Variants in GABRD observed in about 807,000 individuals in gnomAD.
The protein encoded by GABRD is gamma-aminobutyric acid receptor subunit delta.
GABRD carries 25 observed loss-of-function variants against 47.3 expected under a neutral mutation model. The observed-to-expected ratio is 0.53, with a 90% CI of 0.39 to 0.74. The LOEUF (loss-of-function observed/expected upper bound fraction) is 0.74, where lower values mean the gene tolerates loss of function less well. Among genes scored for constraint, GABRD ranks in the 30% least tolerant of loss-of-function variants. The probability of loss-of-function intolerance (pLI) is 0.00; values close to 1 mark genes in which losing one functional copy is unlikely to be tolerated. For synonymous variants in GABRD, 314 were observed against 278.8 expected (o/e 1.13, Z -1.26); for missense variants, 497 against 643.4 (o/e 0.77, Z 2.46).
In GABRD at chr1:2,030,262, TG is replaced by T; in HGVS notation, c.1342del (p.Ala448ArgfsTer61). ...AAFAAVNVIYWAAYAM is the reference protein window; with the variant it reads ...AAFAAVNVIYXAAYAM Reference sequence around the variant, plus strand: ...GTTTGCGGCCGTCAATGTCATCTACTGGGCGGCATACGCCATGTGAGCACAG... The same window carrying T: ...GTTTGCGGCCGTCAATGTCATCTACTGGCGGCATACGCCATGTGAGCACAG... On this transcript the variant is annotated frameshift_variant, in exon 9 of 9. Transcript: ENST00000378585. LOFTEE classifies it high-confidence loss of function. 1 of 1,553,390 alleles carries T rather than the reference TG, an allele frequency of 6.4e-7. No homozygotes were observed. The highest frequency in any genetic ancestry group is 8.7e-7 in the Non-Finnish European group (1 of 1,146,000).
At position 2,029,998 on chromosome 1, in the gene GABRD, G is replaced by A. The variant is rs1178920033; in HGVS notation, c.1075G>A (p.Ala359Thr). Reference protein sequence around the residue: ...RPRAEMDVRNAIVLFSLSAAG... With the variant: ...RPRAEMDVRNTIVLFSLSAAG... ...CTTCGTGCAGATGGACGTGAGGAACGCCATTGTCCTCTTCTCCCTCTCTGC... is the reference window on the plus strand; with the variant it reads ...CTTCGTGCAGATGGACGTGAGGAACACCATTGTCCTCTTCTCCCTCTCTGC... Residue 359 changes from alanine (A) to threonine (T), a missense_variant, in exon 9 of 9, where the codon GCC becomes ACC. Physicochemically the swap from Ala to Thr is moderately conservative, Grantham distance 58 (BLOSUM62 0). Coordinates refer to ENST00000378585, the MANE Select transcript of GABRD (RefSeq NM_000815.5). The A allele has an allele frequency of 1.9e-6, 3 of 1,612,698 alleles. No homozygotes were observed. Among genetic ancestry groups the A allele is most frequent in the Non-Finnish European group, 2.5e-6 (3 of 1,179,870 alleles).
At chr1:2,021,322 G>C (rs1658771599) in intron 1 of GABRD, among the ~76,000 whole-genome samples, 1 of 152,194 alleles carries the variant, frequency 6.6e-6, no homozygotes, top group South Asian at 2.1e-4. Flanking sequence ...GGTCTCCCCA[G>C]GGTGGAAGCA....
At chr1:2,021,922 G>A (rs75134466) in intron 1 of GABRD, among the ~76,000 whole-genome samples, 572 of 152,314 alleles carry the variant, frequency 3.8e-3, no homozygotes, top group Middle Eastern at 0.014. Context: ...ACAGGGATGG[G>A]TTTGTTTTTC....
chr1:2,023,894 T>G (rs1658850507), intron 1 of GABRD: 1 of 152,036 alleles, frequency 6.6e-6, no homozygotes, highest in Non-Finnish European at 1.5e-5. Flanking sequence ...AATCAAGGTG[T>G]GGGTGGGGCT....
Position 2,029,824 on chromosome 1 carries a change from C to G in GABRD, c.1059+62C>G, listed in dbSNP as rs1434541718. On this transcript the variant is annotated intron_variant, in intron 8 of 8. Transcript: ENST00000378585. ...GGGGGCCCCAACCAGGACCCTTCAG[C>G]TGCCCCAGCCCACTGTGGGTCCCAG... 2.6e-6 allele frequency: 4 copies of G among 1,523,098 alleles called. No individual in the cohort carries two copies. In the East Asian group the frequency reaches 6.8e-5, roughly 26 times the overall value. The allele number at this position is 1,523,098 out of a possible 1,614,324, so 94.3% of individuals were successfully genotyped here.
chr1:2,027,407 CTA>C, intron 4 of GABRD, 168 bp from the exon 5 acceptor site: 1 of 679,358 alleles, frequency 1.5e-6, no homozygotes, highest in Non-Finnish European at 2.7e-6. Context: ...TACTTGACGT[CTA>C]TGAAGTTGAG....
chr1:2,021,568 G>A (rs1330114057), intron 1 of GABRD, among the ~76,000 whole-genome samples: 1 of 152,238 alleles, frequency 6.6e-6, no homozygotes, highest in Non-Finnish European at 1.5e-5. Context: ...GATAGGAAGG[G>A]AGTGTGCTGC....
rs2102150284 is a variant in GABRD, at chr1:2,027,597, G to A, written c.491G>A (p.Cys164Tyr). 1 of 1,613,756 alleles carries A rather than the reference G, an allele frequency of 6.2e-7. No homozygotes were observed. The highest frequency in any genetic ancestry group is 8.5e-7 in the Non-Finnish European group (1 of 1,179,918). The part of the protein sequence containing the change: ...YSIRITSTVA[C>Y]DMDLAKYPMD... ...GGCAGAATCACCTCCACTGTGGCCT[G>A]CGACATGGACCTGGCCAAATACCCC... The change falls in exon 5 of 9, where the codon TGC becomes TAC. Residue 164 changes from cysteine to tyrosine, a missense_variant. By Grantham distance (194) the Cys-to-Tyr change is radical. This residue lies in a region of GABRD where 285 missense variants were observed against 436.6 expected (regional missense o/e 0.65). Coordinates refer to ENST00000378585, the MANE Select transcript of GABRD (RefSeq NM_000815.5).
intron 1 of GABRD, chr1:2,022,327 CA>C (rs1195437172): frequency 6.6e-6 from 1 of 152,400 alleles, no homozygotes; most frequent in African/African-American, 2.4e-5. Context: ...GCATGAAGCG[CA>C]CGCCCCCGCA....
intron 5 of GABRD, 44 bp downstream of exon 5, chr1:2,027,703 A>G (rs1168201564): frequency 1.9e-6 from 3 of 1,540,194 alleles, no homozygotes; most frequent in Non-Finnish European, 2.7e-6. Context: ...CCAGCAGTGG[A>G]TGGGGGCTCA....
chr1:2,028,054 GC>G lies in GABRD; in HGVS notation c.554-100del. ...GTCCTGCTCGGTCCCCATCACGATG[GC>G]GTCGGCCCCCTGCAGGCTTCCTGTG... On this transcript the variant is annotated intron_variant, in intron 5 of 8. Coordinates refer to ENST00000378585, the MANE Select transcript of GABRD (RefSeq NM_000815.5). This position sits in a 1 kb window ranked among gnomAD's most constrained non-coding sequence, Gnocchi z 6.4. The G allele has an allele frequency of 7.5e-7, 1 of 1,341,650 alleles. No individual in the cohort carries two copies. Among genetic ancestry groups the G allele is most frequent in the African/African-American group, 1.5e-5 (1 of 68,914 alleles). 83.1% of individuals were successfully genotyped at this position (1,341,650 alleles called of 1,614,324 possible). A position where few individuals can be genotyped will look rare whatever the true frequency, so the allele number is the denominator to read the frequency against.
In GABRD at chr1:2,020,123, A is replaced by G. The variant is rs548352389; in HGVS notation, c.68+632A>G. Among the ~76,000 whole-genome samples the G allele has an allele frequency of 4.6e-5, 7 of 152,146 alleles. No homozygotes were observed. The East Asian group carries it at 1.4e-3, about 30-fold the overall frequency. On this transcript the variant is annotated intron_variant, in intron 1 of 8. Transcript: ENST00000378585. Reference sequence around the variant, plus strand: ...AAAAGAGATGGTGGATTTCTTAACTATTTTGGGAGGGACTCCCCAGAGAAG... The same window carrying G: ...AAAAGAGATGGTGGATTTCTTAACTGTTTTGGGAGGGACTCCCCAGAGAAG...
chr1:2,028,269 C>T lies in GABRD; in HGVS notation c.668C>T (p.Thr223Met), dbSNP rs369511458. The change falls in exon 6 of 9, where the codon ACG (threonine) becomes ATG (methionine). Residue 223 changes from threonine to methionine, a missense_variant. This residue lies in a region of GABRD where 285 missense variants were observed against 436.6 expected (regional missense o/e 0.65). Transcript: ENST00000378585. This position sits in a 1 kb window ranked among gnomAD's most constrained non-coding sequence, Gnocchi z 6.4. Reference sequence around the variant, plus strand: ...ACCATCACCAGCTACCGCTTCACCACGGAGCTGATGAACTTCAAGTCCGGT... The same window carrying T: ...ACCATCACCAGCTACCGCTTCACCATGGAGCTGATGAACTTCAAGTCCGGT... ...QFTITSYRFTTELMNFKSAGQ... is the reference protein window; with the variant it reads ...QFTITSYRFTMELMNFKSAGQ... 43 of 1,611,838 alleles carry T rather than the reference C, an allele frequency of 2.7e-5. 1 individual carries two copies. Among genetic ancestry groups the T allele is most frequent in the Admixed American group, 1.5e-4 (9 of 59,966 alleles).
At chr1:2,027,556 C>A (rs752352993) in intron 4 of GABRD, 21 bp from the exon 5 acceptor site, 2 of 1,608,532 alleles carry the variant, frequency 1.2e-6, no homozygotes, top group South Asian at 1.1e-5. Flanking sequence ...CAAGGCCTCA[C>A]TGCCATGCTT....
intron 2 of GABRD, 34 bp downstream of exon 2, chr1:2,025,088 C>A (rs765586784): frequency 1.3e-6 from 2 of 1,556,360 alleles, no homozygotes; most frequent in Non-Finnish European, 1.8e-6. Flanking sequence ...AGGCAGGAGC[C>A]GCTGGAGCCC....
At chr1:2,022,062 C>T (rs535375093) in intron 1 of GABRD, among the ~76,000 whole-genome samples, 1 of 152,168 alleles carries the variant, frequency 6.6e-6, no homozygotes, top group Admixed American at 6.5e-5. Context: ...GACTTGGAGC[C>T]TGGTGTGTAG....
chr1:2,025,793 G>C (rs866724003), intron 4 of GABRD, 55 bp downstream of exon 4: 7 of 1,522,350 alleles, frequency 4.6e-6, no homozygotes, highest in Non-Finnish European at 6.3e-6. Context: ...GCCAAGCGTC[G>C]GCGCCTGGAC....
chr1:2,025,692 A>G lies in GABRD; in HGVS notation c.424A>G (p.Lys142Glu). The G allele has an allele frequency of 6.2e-7, 1 of 1,612,948 alleles. No homozygotes were observed. The highest frequency in any genetic ancestry group is 8.5e-7 in the Non-Finnish European group (1 of 1,179,992). The change falls in exon 4 of 9, where the codon AAG becomes GAG. Residue 142 changes from lysine to glutamate, a missense_variant. Lys to Glu is a moderately conservative substitution (Grantham distance 56). Coordinates refer to ENST00000378585, the MANE Select transcript of GABRD (RefSeq NM_000815.5). ...AWFHDVTVENKLIRLQPDGVI... is the reference protein window; with the variant it reads ...AWFHDVTVENELIRLQPDGVI... ...GTTCCACGACGTGACGGTGGAGAACAAGCTCATCCGGCTGCAGCCCGACGG... is the reference window on the plus strand; with the variant it reads ...GTTCCACGACGTGACGGTGGAGAACGAGCTCATCCGGCTGCAGCCCGACGG...
chr1:2,029,476 G>T, intron 7 of GABRD, 75 bp from the exon 8 acceptor site: 2 of 1,582,476 alleles, frequency 1.3e-6, no homozygotes, highest in Non-Finnish European at 1.7e-6. Context: ...CTCATCCGTG[G>T]GTCACAGGCA....
Sources: gnomAD v4.1 joint callset for allele counts (sites outside exome capture counted in the v4.1 genomes callset) on GRCh38, gnomAD v4.1.1 for gene constraint, gnomAD v4.1.1 regional missense constraint, Gnocchi (gnomAD v3.1) non-coding constraint, MANE v1.5 for transcripts, NCBI Gene and HGNC (gene_info 2026-07-23, HGNC 2026-07-21) for gene names.